TLN2: variants seen among roughly 807,000 people sequenced by gnomAD.
TLN2 encodes the protein talin-2.
A neutral mutation model predicts 294.7 loss-of-function variants in TLN2; 118 were observed. The ratio of observed to expected loss-of-function variants is 0.40; its 90% CI spans 0.34 to 0.47. The LOEUF (loss-of-function observed/expected upper bound fraction) is 0.47, where lower values mean the gene tolerates loss of function less well. Among genes scored for constraint, TLN2 ranks in the 20% least tolerant of loss-of-function variants. The pLI is 0.84. For missense variants in TLN2, 3,083 were observed against 3,282.2 expected, an observed-to-expected ratio of 0.94 and a Z score of 1.48; for synonymous variants, 1,431 against 1,304.5, an observed-to-expected ratio of 1.10 and a Z score of -2.09.
chr15:62,631,655 TTTTC>T (rs202108354), intron 3 of TLN2, among the ~76,000 whole-genome samples: 3,107 of 149,600 alleles, frequency 0.021, 47 homozygotes, highest in Non-Finnish European at 0.033. Flanking sequence ...CTTTCCTTCT[TTTTC>T]TTTCTTTCTC....
chr15:62,776,709 A>C (rs2063742009), intron 42 of TLN2, 55 bp from the exon 43 acceptor site: 2 of 1,365,796 alleles, frequency 1.5e-6, no homozygotes, highest in Admixed American at 2.9e-5. Context: ...TATTCTTAGA[A>C]GACTGAGCAC....
intron 3 of TLN2, chr15:62,638,264 T>C (rs1316789964): frequency 1.9e-5 from 6 of 322,468 alleles, no homozygotes; most frequent in Non-Finnish European, 1.8e-5. Context: ...TTCCTCTTAA[T>C]TAGGCATCAT....
chr15:62,614,062 G>A (rs566699398), intron 2 of TLN2, among the ~76,000 whole-genome samples: 9 of 152,218 alleles, frequency 5.9e-5, no homozygotes, highest in Admixed American at 3.3e-4. Context: ...AGGATTACAG[G>A]TGTATACAGA....
chr15:62,686,643 G>A lies in TLN2; in HGVS notation c.960G>A (p.Glu320=). The A allele has an allele frequency of 6.2e-7, 1 of 1,611,822 alleles. No individual in the cohort carries two copies. Among genetic ancestry groups the A allele is most frequent in the Non-Finnish European group, 8.5e-7 (1 of 1,178,948 alleles). Reference sequence around the variant, plus strand: ...ACTCTTGGTATCTCCTGTTTCAGGAGAAGATGAAAGGCAAGAACAAGCTGG... The same window carrying A: ...ACTCTTGGTATCTCCTGTTTCAGGAAAAGATGAAAGGCAAGAACAAGCTGG... The part of the protein sequence containing the change: ...TYGVSFFLVK[E]KMKGKNKLVP... The change falls in exon 12 of 59, where the codon GAG becomes GAA. Residue 320 remains glutamate (E), a splice_region_variant and synonymous_variant. Coordinates refer to ENST00000636159, the MANE Select transcript of TLN2 (RefSeq NM_015059.3).
chr15:62,409,081 G>A (rs2033608755), intron 1 of TLN2, among the ~76,000 whole-genome samples: 1 of 151,882 alleles, frequency 6.6e-6, no homozygotes, highest in Non-Finnish European at 1.5e-5. Context: ...AGGTTCAAGC[G>A]ACTCTCCTGC....
chr15:62,763,786 C>T, intron 40 of TLN2, 91 bp downstream of exon 40: 1 of 1,418,368 alleles, frequency 7.1e-7, no homozygotes, highest in Non-Finnish European at 9.3e-7. Context: ...GTTGTAGGGC[C>T]AAAATGTTTC....
intron 1 of TLN2, among the ~76,000 whole-genome samples, chr15:62,564,577 TC>T (rs946650819): frequency 6.6e-6 from 1 of 152,128 alleles, no homozygotes; most frequent in Non-Finnish European, 1.5e-5. Context: ...GTGGTGTTTT[TC>T]CTGTGTGCAT....
At chr15:62,445,609 A>G (rs897622816) in intron 1 of TLN2, among the ~76,000 whole-genome samples, 2 of 152,182 alleles carry the variant, frequency 1.3e-5, no homozygotes, top group Non-Finnish European at 2.9e-5. Context: ...AAGTCAGTCA[A>G]GCGTCTTATT....
chr15:62,425,336 T>G (rs922888484), intron 1 of TLN2, among the ~76,000 whole-genome samples: 4 of 152,044 alleles, frequency 2.6e-5, no homozygotes, highest in Admixed American at 2.6e-4. Context: ...TGCCTGCGGT[T>G]GATCTCCAGC....
chr15:62,768,065 G>A lies in TLN2; in HGVS notation c.5196+1643G>A, dbSNP rs967824907. Among the ~76,000 whole-genome samples the A allele has an allele frequency of 5.3e-5, 8 of 152,144 alleles. No homozygotes were observed. In the South Asian group the frequency reaches 6.2e-4, roughly 12 times the overall value. On this transcript the variant is annotated intron_variant, in intron 41 of 58. Coordinates refer to ENST00000636159, the MANE Select transcript of TLN2 (RefSeq NM_015059.3). Reference sequence around the variant, plus strand: ...GGTGCGCCCTCTATCCAGAAGAGCCGTGGACTGGGAGTTCACACCCACATT... The same window carrying A: ...GGTGCGCCCTCTATCCAGAAGAGCCATGGACTGGGAGTTCACACCCACATT...
At chr15:62,660,427 G>C (rs1327728131) in intron 9 of TLN2, among the ~76,000 whole-genome samples, 1 of 152,166 alleles carries the variant, frequency 6.6e-6, no homozygotes, top group Non-Finnish European at 1.5e-5. Flanking sequence ...GAGAGAGACA[G>C]AGACAAGGCC....
Position 62,595,374 on chromosome 15 carries a change from C to T in TLN2, c.-162+5612C>T, listed in dbSNP as rs533252060. On this transcript the variant is annotated intron_variant, in intron 2 of 58. Transcript: ENST00000636159. ...GGTAGAGGTTGCAGTGAGCTGAGAT[C>T]GTGCCATTGCACTCCAGCCTGGGTG... 2.9e-5 allele frequency among the ~76,000 whole-genome samples: 4 copies of T among 136,556 alleles called. No homozygotes were observed. In the South Asian group the frequency reaches 7.0e-4, roughly 24 times the overall value. 89.6% of individuals were successfully genotyped at this position (136,556 alleles called of 152,430 possible). A position where few individuals can be genotyped will look rare whatever the true frequency, so the allele number is the denominator to read the frequency against.
In TLN2 at chr15:62,484,736, T is replaced by A. The variant is rs2038297056; in HGVS notation, c.-238+94051T>A. Reference sequence around the variant, plus strand: ...CACCACGCCTGGCTGGACCGAGGTTTTTCTGCTGGTGCCTCAAGGGCTTTG... The same window carrying A: ...CACCACGCCTGGCTGGACCGAGGTTATTCTGCTGGTGCCTCAAGGGCTTTG... On this transcript the variant is annotated intron_variant, in intron 1 of 58. Transcript: ENST00000636159. 2.0e-5 allele frequency among the ~76,000 whole-genome samples: 3 copies of A among 152,240 alleles called. No individual in the cohort carries two copies. The South Asian group carries it at 6.2e-4, about 32-fold the overall frequency.
At chr15:62,471,043 G>T (rs2037444347) in intron 1 of TLN2, among the ~76,000 whole-genome samples, 1 of 152,156 alleles carries the variant, frequency 6.6e-6, no homozygotes, top group Non-Finnish European at 1.5e-5. Flanking sequence ...GGTTAGGGTG[G>T]GGGTAAAAAC....
At chr15:62,608,873 G>A (rs1275807235) in intron 2 of TLN2, among the ~76,000 whole-genome samples, 1 of 152,038 alleles carries the variant, frequency 6.6e-6, no homozygotes, top group South Asian at 2.1e-4. Context: ...ATTTCTAAAC[G>A]AAGGAGAGCC....
In TLN2 at chr15:62,727,134, C is replaced by T. The variant is rs1185894872; in HGVS notation, c.3303C>T (p.Gly1101=). 1 of 1,614,230 alleles carries T rather than the reference C, an allele frequency of 6.2e-7. No homozygotes were observed. Among genetic ancestry groups the T allele is most frequent in the Non-Finnish European group, 8.5e-7 (1 of 1,180,050 alleles). The change falls in exon 28 of 59, where the codon GGC becomes GGT. Residue 1101 remains glycine (G), a synonymous_variant. Coordinates refer to ENST00000636159, the MANE Select transcript of TLN2 (RefSeq NM_015059.3). Reference sequence around the variant, plus strand: ...TGGGAAGCACATCCAAGGCGGTGGGCTCCTCCATGGCACAGCTGCTGACCT... The same window carrying T: ...TGGGAAGCACATCCAAGGCGGTGGGTTCCTCCATGGCACAGCTGCTGACCT... The part of the protein sequence containing the change: ...QDLGSTSKAV[G]SSMAQLLTCA...
In TLN2 at chr15:62,840,808, T is replaced by G; in HGVS notation, c.*198T>G. 2 of 661,590 alleles carry G rather than the reference T, an allele frequency of 3.0e-6. No homozygotes were observed. The highest frequency in any genetic ancestry group is 4.8e-6 in the Non-Finnish European group (2 of 416,624). 41.0% of individuals were successfully genotyped at this position (661,590 alleles called of 1,614,324 possible). A position where few individuals can be genotyped will look rare whatever the true frequency, so the allele number is the denominator to read the frequency against. ...CGTGATGTCACACGGTACAATGTCCTACCCACAACTCCTCTGCCGCCTCCC... is the reference window on the plus strand; with the variant it reads ...CGTGATGTCACACGGTACAATGTCCGACCCACAACTCCTCTGCCGCCTCCC... On this transcript the variant is annotated 3_prime_UTR_variant, in exon 59 of 59. Transcript: ENST00000636159.
At chr15:62,575,658 C>T (rs190859010) in intron 1 of TLN2, among the ~76,000 whole-genome samples, 1 of 152,280 alleles carries the variant, frequency 6.6e-6, no homozygotes, top group African/African-American at 2.4e-5. Flanking sequence ...CCAACTTCTT[C>T]TCAGAAGACC....
At chr15:62,649,968 T>C (rs2052399308) in intron 4 of TLN2, 116 bp from the exon 5 acceptor site, 2 of 959,376 alleles carry the variant, frequency 2.1e-6, no homozygotes, top group Non-Finnish European at 3.3e-6. Context: ...GAAACATTGC[T>C]GTCTGGTGAA....
Sources: allele counts gnomAD v4.1 joint callset (sites outside exome capture counted in the v4.1 genomes callset), GRCh38; gene constraint gnomAD v4.1.1; transcripts MANE v1.5; gene names NCBI Gene and HGNC (gene_info 2026-07-23, HGNC 2026-07-21).